ZNF438: variants seen among roughly 807,000 people sequenced by gnomAD.
ZNF438 encodes the protein zinc finger protein 438.
A neutral mutation model predicts 38.0 loss-of-function variants in ZNF438; 25 were observed. The observed-to-expected ratio is 0.66, with a 90% confidence interval of 0.48 to 0.92. The LOEUF is 0.92. Ranked by LOEUF, ZNF438 falls within the 40% of genes least tolerant of loss-of-function variation. The pLI, the probability that ZNF438 is intolerant of heterozygous loss-of-function variation, is 0.00. For missense variants in ZNF438, 1,007 were observed against 999.6 expected (o/e 1.01, Z -0.10); for synonymous variants, 372 against 364.1 (o/e 1.02, Z -0.25).
intron 1 of ZNF438, among the ~76,000 whole-genome samples, chr10:30,975,509 C>T (rs1038622882): frequency 1.4e-4 from 22 of 152,128 alleles, no homozygotes; most frequent in African/African-American, 4.8e-4. Context: ...GGTAATTCTC[C>T]CCATAAAACC....
intron 2 of ZNF438, among the ~76,000 whole-genome samples, chr10:30,932,811 TC>T (rs1160249900): frequency 6.6e-6 from 1 of 152,166 alleles, no homozygotes; most frequent in Non-Finnish European, 1.5e-5. Context: ...TGTGCCCTAA[TC>T]CAATGTACTG....
At position 31,003,542 on chromosome 10, in the gene ZNF438, A is replaced by G. The variant is rs945134963; in HGVS notation, c.-192+28291T>C. On this transcript the variant is annotated intron_variant, in intron 1 of 5. Transcript: ENST00000413025. The stretch of plus-strand genomic sequence containing the variant: ...TGTTCCCTGCAAGTTCTTAGAAAAC[A>G]TCTGAAAAACAAAGCATACTCTGAT... 4.6e-5 allele frequency among the ~76,000 whole-genome samples: 7 copies of G among 152,320 alleles called. No individual in the cohort carries two copies. The South Asian group carries it at 1.5e-3, about 32-fold the overall frequency.
rs1371163903 is a variant in ZNF438, at chr10:30,855,242, G to T, written c.38-4875C>A. On this transcript the variant is annotated intron_variant, in intron 4 of 5. Coordinates refer to ENST00000413025, the Ensembl canonical transcript of ZNF438. ...GCTCTGTCCTGGCTGCGAGAGCACC[G>T]ATCAGTGTGAGCAGTGTGGGCAACC... is the stretch of plus-strand genomic sequence containing the variant. Among the ~76,000 whole-genome samples, 5 of 152,178 alleles carry T rather than the reference G, an allele frequency of 3.3e-5. No individual in the cohort carries two copies. The East Asian group carries it at 9.6e-4, about 29-fold the overall frequency.
chr10:30,947,602 T>C (rs1421194995), intron 1 of ZNF438, among the ~76,000 whole-genome samples: 1 of 152,260 alleles, frequency 6.6e-6, no homozygotes, highest in Non-Finnish European at 1.5e-5. Context: ...GCCTGGGCAA[T>C]GGCGGGTGCC....
intron 1 of ZNF438, among the ~76,000 whole-genome samples, chr10:30,948,362 C>T (rs9732754): frequency 0.2 from 30,153 of 151,862 alleles, 3,566 homozygotes; most frequent in East Asian, 0.29. Context: ...TCCAAAGGAA[C>T]GCAGTTCCTC....
intron 4 of ZNF438, among the ~76,000 whole-genome samples, chr10:30,866,562 C>T (rs921035047): frequency 5.9e-5 from 9 of 151,990 alleles, no homozygotes; most frequent in Admixed American, 1.3e-4. Context: ...GGGTCAGGCG[C>T]GGTGGCTCAC....
chr10:31,025,189 C>T (rs1219958955), intron 1 of ZNF438, among the ~76,000 whole-genome samples: 1 of 152,144 alleles, frequency 6.6e-6, no homozygotes, highest in Non-Finnish European at 1.5e-5. Flanking sequence ...AAAGGAGGAA[C>T]AGAAGGAAGG....
intron 2 of ZNF438, among the ~76,000 whole-genome samples, chr10:30,926,718 AT>A (rs2044981149): frequency 6.6e-6 from 1 of 152,148 alleles, no homozygotes; most frequent in South Asian, 2.1e-4. Context: ...TAAATAAGAA[AT>A]GTGCACAGGC....
intron 1 of ZNF438, among the ~76,000 whole-genome samples, chr10:31,025,205 G>C (rs1771644): frequency 0.66 from 101,045 of 152,116 alleles, 33,951 homozygotes; most frequent in African/African-American, 0.71. Flanking sequence ...GAAGGAGGGA[G>C]TGAAGGAAGA....
intron 1 of ZNF438, among the ~76,000 whole-genome samples, chr10:30,960,636 G>A (rs1441185227): frequency 4.1e-5 from 6 of 146,354 alleles, no homozygotes; most frequent in Non-Finnish European, 7.7e-5. Context: ...CCTATGCCAC[G>A]GCCACGTTGT....
At chr10:31,014,862 A>G (rs4017082) in intron 1 of ZNF438, among the ~76,000 whole-genome samples, 3,202 of 17,340 alleles carry the variant, frequency 0.18, 103 homozygotes, top group African/African-American at 0.41. Context: ...GTGTGTGTGT[A>G]TATATATATA....
At chr10:30,975,409 A>G (rs370942940) in intron 1 of ZNF438, among the ~76,000 whole-genome samples, 42 of 152,222 alleles carry the variant, frequency 2.8e-4, no homozygotes, top group East Asian at 1.3e-3. Flanking sequence ...ACAAATACCA[A>G]TGAGAATCTA....
Position 31,008,042 on chromosome 10 carries a change from G to A in ZNF438, c.-192+23791C>T, listed in dbSNP as rs185244164. ...CAGAAAATCCTATTAAATATAAACA[G>A]TAGACAAAGCAGTTTTCATTTTATG... On this transcript the variant is annotated intron_variant, in intron 1 of 5. Transcript: ENST00000413025. Among the ~76,000 whole-genome samples, 223 of 152,166 alleles carry A rather than the reference G, an allele frequency of 1.5e-3. 2 individuals are homozygous for A. In the South Asian group the frequency reaches 0.021, roughly 14 times the overall value.
chr10:30,973,736 G>A (rs2051007704), intron 1 of ZNF438, among the ~76,000 whole-genome samples: 1 of 152,166 alleles, frequency 6.6e-6, no homozygotes, highest in Non-Finnish European at 1.5e-5. Context: ...TCTTTTCTGT[G>A]CTGTTCCGGT....
At chr10:31,005,864 G>A (rs963798214) in intron 1 of ZNF438, among the ~76,000 whole-genome samples, 1 of 152,190 alleles carries the variant, frequency 6.6e-6, no homozygotes, top group Admixed American at 6.5e-5. Flanking sequence ...TATTGTGAAA[G>A]ATATGCATAT....
chr10:30,885,350 A>C (rs2039819097), intron 3 of ZNF438, among the ~76,000 whole-genome samples: 1 of 152,216 alleles, frequency 6.6e-6, no homozygotes, highest in Admixed American at 6.5e-5. Flanking sequence ...AAAATGTAAC[A>C]GGTTGATAAT....
chr10:30,849,985 G>C lies in ZNF438; in HGVS notation c.420C>G (p.Ile140Met), dbSNP rs756889020. Residue 140 changes from isoleucine to methionine, a missense_variant, in exon 5 of 6, where the codon ATC becomes ATG. Coordinates refer to ENST00000413025, the Ensembl canonical transcript of ZNF438. ...CTTTGCTACAGCCACTCTTAGGAAA[G>C]ATCAGGATGGGTTTCTTTCTTGATG... 8 of 1,614,040 alleles carry C rather than the reference G, an allele frequency of 5.0e-6. No homozygotes were observed. The Admixed American group carries it at 1.2e-4, about 24-fold the overall frequency.
exon 6 of ZNF438, chr10:30,845,414 T>C: frequency 6.2e-7 from 1 of 1,614,140 alleles, no homozygotes; most frequent in Non-Finnish European, 8.5e-7. Context: ...TCCCTTCTTG[T>C]AGCCTGCCCT....
chr10:31,011,330 C>A (rs1055492140), intron 1 of ZNF438, among the ~76,000 whole-genome samples: 1 of 152,194 alleles, frequency 6.6e-6, no homozygotes, highest in Non-Finnish European at 1.5e-5. Context: ...GCACTGCACT[C>A]CTGACCCCCA....
Sources: allele counts gnomAD v4.1 joint callset (sites outside exome capture counted in the v4.1 genomes callset), GRCh38; gene constraint gnomAD v4.1.1; transcripts MANE v1.5; gene names NCBI Gene and HGNC (gene_info 2026-07-23, HGNC 2026-07-21).